Variants in SP3 observed in about 807,000 individuals in gnomAD.
The protein encoded by SP3 is Sp3 transcription factor.
Under a neutral mutation model 70.3 loss-of-function variants are expected in SP3, and 10 were observed. That is an observed-to-expected ratio of 0.14 (90% confidence interval 0.09 to 0.24). SP3 has a LOEUF of 0.24. SP3 is among the 10% of genes least tolerant of loss of function. The pLI is 1.00. For synonymous variants in SP3, 402 were observed against 333.5 expected, an observed-to-expected ratio of 1.21 and a Z score of -2.24; for missense variants, 825 against 914.6, an observed-to-expected ratio of 0.90 and a Z score of 1.26.
chr2:173,934,312 A>AT (rs377477002), intron 4 of SP3, among the ~76,000 whole-genome samples: 4 of 152,192 alleles, frequency 2.6e-5, no homozygotes, highest in East Asian at 1.9e-4. Flanking sequence ...ATCAAATACC[A>AT]TTTTTTAAAT....
At chr2:173,914,115 G>A (rs754970542) in intron 5 of SP3, 1 of 151,906 alleles carries the variant, frequency 6.6e-6, no homozygotes, top group African/African-American at 2.4e-5. Context: ...TCCCAGAATT[G>A]ATCATTTGAA....
At chr2:173,964,872 CGTCA>C (rs1691241842) in intron 1 of SP3, 3 of 495,464 alleles carry the variant, frequency 6.1e-6, no homozygotes, top group East Asian at 3.6e-5. Context: ...CCTCTCGCAC[CGTCA>C]GTCACTCACA....
At chr2:173,913,939 C>T (rs1219979517) in intron 5 of SP3, 1 of 151,712 alleles carries the variant, frequency 6.6e-6, no homozygotes, top group African/African-American at 2.4e-5. Flanking sequence ...TAAAAGATAC[C>T]CAAAATTAGA....
At position 173,901,241 on chromosome 2, in the gene SP3, A is replaced by T. The variant is rs1227339448; in HGVS notation, c.*8700T>A. On this transcript the variant is annotated 3_prime_UTR_variant, in exon 7 of 7. Transcript: ENST00000310015. ...ATAAAATTTTTAGACAAAAATTTTT[A>T]TGACAGTAGGTAAAGAATTTCTTAA... is the stretch of plus-strand genomic sequence containing the variant. 1.3e-5 allele frequency among the ~76,000 whole-genome samples: 2 copies of T among 148,448 alleles called. No individual in the cohort carries two copies. Among genetic ancestry groups the T allele is most frequent in the Non-Finnish European group, 3.0e-5 (2 of 66,214 alleles).
At position 173,937,946 on chromosome 2, in the gene SP3, C is replaced by T. The variant is rs114720942; in HGVS notation, c.1639+16927G>A. ...TCATGTTATTCTTAGAATAAAAATA[C>T]ACTAAATCTACAGTGTTAAAAAATG... On this transcript the variant is annotated intron_variant, in intron 4 of 6. Transcript: ENST00000310015. Among the ~76,000 whole-genome samples, 732 of 152,186 alleles carry T rather than the reference C, an allele frequency of 4.8e-3. 3 individuals carry two copies. Among genetic ancestry groups the T allele is most frequent in the African/African-American group, 0.017 (699 of 41,528 alleles).
intron 4 of SP3, among the ~76,000 whole-genome samples, chr2:173,922,450 G>T (rs1370130938): frequency 1.3e-5 from 2 of 151,924 alleles, no homozygotes; most frequent in Non-Finnish European, 2.9e-5. Context: ...CCAGATGAAG[G>T]TGTTCATCAG....
At chr2:173,911,093 C>T (rs113178360) in intron 6 of SP3, among the ~76,000 whole-genome samples, 6 of 152,300 alleles carry the variant, frequency 3.9e-5, no homozygotes, top group South Asian at 2.1e-4. Context: ...TCTAGCACCT[C>T]TACTCTACAT....
Position 173,956,102 on chromosome 2 carries a change from C to G in SP3, c.410G>C (p.Gly137Ala). Residue 137 changes from glycine (G) to alanine (A), a missense_variant, in exon 4 of 7, where the codon GGG becomes GCG. This residue lies in a region of SP3 where 678 missense variants were observed against 651.6 expected (regional missense o/e 1.04). Coordinates refer to ENST00000310015, the MANE Select transcript of SP3 (RefSeq NM_003111.5). ...VQIPSAATSS[G>A]QYVLPLQNLQ... The stretch of plus-strand genomic sequence containing the variant: ...ATTCTGAAGGGGAAGAACATACTGC[C>G]CACTTGAAGTAGCAGCACTTGGAAT... 1 of 1,614,072 alleles carries G rather than the reference C, an allele frequency of 6.2e-7. No homozygotes were observed. Among genetic ancestry groups the G allele is most frequent in the Non-Finnish European group, 8.5e-7 (1 of 1,180,014 alleles).
rs1167094752 is a variant in SP3, at chr2:173,955,527, A to T, written c.985T>A (p.Leu329Ile). 1 of 1,614,122 alleles carries T rather than the reference A, an allele frequency of 6.2e-7. No homozygotes were observed. The highest frequency in any genetic ancestry group is 1.1e-5 in the South Asian group (1 of 91,084). ...GATGAAGAGGATGTTGGCACAAATA[A>T]ATCTGTATCAGTATTAGTTTCATTA... ...DINETNTDTD[L>I]FVPTSSSSQL... The change falls in exon 4 of 7, where the codon TTA becomes ATA. Residue 329 changes from leucine (L) to isoleucine (I), a missense_variant. Transcript: ENST00000310015.
chr2:173,941,127 TAAAAAAA>T (rs71021605), intron 4 of SP3, among the ~76,000 whole-genome samples: 16 of 93,002 alleles, frequency 1.7e-4, no homozygotes, highest in African/African-American at 5.5e-4. Flanking sequence ...ACAACACGAG[TAAAAAAA>T]AAAAAAAAAA....
intron 4 of SP3, among the ~76,000 whole-genome samples, chr2:173,942,015 C>A (rs1690383720): frequency 6.6e-6 from 1 of 152,078 alleles, no homozygotes; most frequent in Non-Finnish European, 1.5e-5. Context: ...TGTGCCAGAC[C>A]CTGCATTTAA....
intron 4 of SP3, among the ~76,000 whole-genome samples, chr2:173,928,150 T>C (rs989219160): frequency 3.3e-5 from 5 of 152,200 alleles, no homozygotes; most frequent in African/African-American, 1.2e-4. Context: ...TTGTTAAAAC[T>C]GTATATAAAC....
intron 4 of SP3, among the ~76,000 whole-genome samples, chr2:173,928,935 C>T: frequency 6.6e-6 from 1 of 152,222 alleles, no homozygotes; most frequent in Admixed American, 6.5e-5. Context: ...TAATCAGAAT[C>T]AGTGAAGCTG....
At chr2:173,921,808 G>C (rs369370436) in intron 4 of SP3, among the ~76,000 whole-genome samples, 69 of 152,154 alleles carry the variant, frequency 4.5e-4, no homozygotes, top group African/African-American at 1.5e-3. Context: ...GGATCATGGG[G>C]GCGGATTTCT....
At chr2:173,948,179 G>C (rs1390869357) in intron 4 of SP3, among the ~76,000 whole-genome samples, 2 of 152,090 alleles carry the variant, frequency 1.3e-5, no homozygotes, top group Non-Finnish European at 2.9e-5. Context: ...TGTAATTCTT[G>C]ACCTAAATAC....
At chr2:173,918,014 A>C (rs1487222873) in intron 5 of SP3, among the ~76,000 whole-genome samples, 2 of 151,078 alleles carry the variant, frequency 1.3e-5, no homozygotes, top group African/African-American at 4.9e-5. Context: ...AAAAAATATG[A>C]TCTGAGTCTC....
intron 4 of SP3, among the ~76,000 whole-genome samples, chr2:173,944,181 TTCA>T (rs1559103348): frequency 6.6e-6 from 1 of 152,198 alleles, no homozygotes. Flanking sequence ...TGGTCCTATT[TTCA>T]TCAGAGAATT....
In SP3 at chr2:173,904,482, T is replaced by C. The variant is rs762261031; in HGVS notation, c.*5459A>G. Reference sequence around the variant, plus strand: ...CTTGTGGAACCCCAGGAGGATGAAATGCAGATAGTGAAATGCAAGACACTG... The same window carrying C: ...CTTGTGGAACCCCAGGAGGATGAAACGCAGATAGTGAAATGCAAGACACTG... On this transcript the variant is annotated 3_prime_UTR_variant, in exon 7 of 7. Coordinates refer to ENST00000310015, the MANE Select transcript of SP3 (RefSeq NM_003111.5). Among the ~76,000 whole-genome samples the C allele has an allele frequency of 3.9e-5, 6 of 152,142 alleles. No homozygotes were observed. The highest frequency in any genetic ancestry group is 1.3e-4 in the Admixed American group (2 of 15,254).
chr2:173,963,552 G>A (rs1033431342), intron 3 of SP3, among the ~76,000 whole-genome samples: 2 of 152,282 alleles, frequency 1.3e-5, no homozygotes, highest in East Asian at 1.9e-4. Flanking sequence ...TTTTGCGCGA[G>A]GTGCTGCAGT....
Sources: allele counts gnomAD v4.1 joint callset (sites outside exome capture counted in the v4.1 genomes callset), GRCh38; gene constraint gnomAD v4.1.1; regional missense constraint gnomAD v4.1.1; transcripts MANE v1.5; gene names NCBI Gene and HGNC (gene_info 2026-07-23, HGNC 2026-07-21).